The following GPC5 variants were observed in gnomAD, a reference collection of about 807,000 sequenced individuals.
GPC5 encodes the protein glypican-5.
Under a neutral mutation model 53.9 loss-of-function variants are expected in GPC5, and 47 were observed. That is an observed-to-expected ratio of 0.87 (90% confidence interval 0.69 to 1.11). The LOEUF (loss-of-function observed/expected upper bound fraction) is 1.11, where lower values mean the gene tolerates loss of function less well. GPC5 is among the 50% of genes most tolerant of loss of function. GPC5 has a pLI of 0.00. For missense variants in GPC5, 748 were observed against 713.1 expected, an observed-to-expected ratio of 1.05 and a Z score of -0.56; for synonymous variants, 286 against 263.3, an observed-to-expected ratio of 1.09 and a Z score of -0.84.
intron 7 of GPC5, among the ~76,000 whole-genome samples, chr13:92,351,798 G>C (rs1311506593): frequency 6.6e-6 from 1 of 152,060 alleles, no homozygotes; most frequent in Non-Finnish European, 1.5e-5. Flanking sequence ...ATAAATATAT[G>C]ATGTAAAAAA....
At chr13:92,666,888 A>T (rs1886587819) in intron 7 of GPC5, among the ~76,000 whole-genome samples, 1 of 152,176 alleles carries the variant, frequency 6.6e-6, no homozygotes, top group Non-Finnish European at 1.5e-5. Context: ...TGGACCTTAT[A>T]TTCCCCTCAT....
intron 2 of GPC5, among the ~76,000 whole-genome samples, chr13:91,590,317 T>G (rs949225273): frequency 6.6e-6 from 1 of 152,064 alleles, no homozygotes; most frequent in Non-Finnish European, 1.5e-5. Flanking sequence ...TCATAAATAT[T>G]TAATGACTCA....
intron 7 of GPC5, among the ~76,000 whole-genome samples, chr13:92,652,147 G>T (rs1049888118): frequency 3.9e-5 from 6 of 151,962 alleles, no homozygotes; most frequent in African/African-American, 1.4e-4. Flanking sequence ...TCTCTTATTT[G>T]AATATTTTAT....
chr13:92,834,100 G>C (rs1485903875), intron 7 of GPC5, among the ~76,000 whole-genome samples: 1 of 152,098 alleles, frequency 6.6e-6, no homozygotes, highest in East Asian at 1.9e-4. Flanking sequence ...AGATTCAAGA[G>C]ACAGAAAACA....
intron 4 of GPC5, among the ~76,000 whole-genome samples, chr13:91,746,034 G>A (rs1045682122): frequency 1.3e-5 from 2 of 152,304 alleles, no homozygotes; most frequent in East Asian, 1.9e-4. Flanking sequence ...TGAGAATAAC[G>A]TTAAATGATT....
chr13:92,436,670 T>C (rs963504047), intron 7 of GPC5, among the ~76,000 whole-genome samples: 1 of 152,186 alleles, frequency 6.6e-6, no homozygotes, highest in Non-Finnish European at 1.5e-5. Context: ...AAATGTTGTA[T>C]TCAAACCACT....
intron 6 of GPC5, among the ~76,000 whole-genome samples, chr13:91,968,301 G>A (rs1275345670): frequency 6.6e-6 from 1 of 151,380 alleles, no homozygotes; most frequent in Non-Finnish European, 1.5e-5. Context: ...TTTAATTGTG[G>A]TACATAGTAT....
At chr13:92,367,864 C>T (rs547130793) in intron 7 of GPC5, among the ~76,000 whole-genome samples, 22 of 152,190 alleles carry the variant, frequency 1.4e-4, no homozygotes, top group Middle Eastern at 6.8e-3. Flanking sequence ...GAAATGAGGA[C>T]GGTGCAGGTG....
At chr13:92,855,575 A>G (rs1285441084) in intron 7 of GPC5, among the ~76,000 whole-genome samples, 1 of 151,798 alleles carries the variant, frequency 6.6e-6, no homozygotes, top group African/African-American at 2.4e-5. Context: ...TTCTGGGTTG[A>G]GTTTCCTGCA....
intron 2 of GPC5, among the ~76,000 whole-genome samples, chr13:91,516,301 A>G (rs1287794220): frequency 2.6e-5 from 4 of 152,186 alleles, no homozygotes; most frequent in Non-Finnish European, 2.9e-5. Flanking sequence ...CCTGGATACA[A>G]TGAGGGTACA....
chr13:91,498,496 A>G (rs546624493), intron 2 of GPC5, among the ~76,000 whole-genome samples: 3 of 152,246 alleles, frequency 2.0e-5, no homozygotes, highest in African/African-American at 4.8e-5. Flanking sequence ...GGACTTCACC[A>G]TAATTAACTA....
At chr13:91,728,118 T>C (rs776401138) in intron 3 of GPC5, among the ~76,000 whole-genome samples, 2 of 152,134 alleles carry the variant, frequency 1.3e-5, no homozygotes, top group Non-Finnish European at 1.5e-5. Flanking sequence ...CTTTTGGCCT[T>C]GGAATTCATT....
At chr13:91,595,612 T>G (rs896297057) in intron 2 of GPC5, among the ~76,000 whole-genome samples, 30 of 152,242 alleles carry the variant, frequency 2.0e-4, no homozygotes, top group Admixed American at 2.6e-4. Context: ...CTGTATTGTA[T>G]ATAATTTTCT....
At chr13:92,385,493 TATAC>T (rs1162516655) in intron 7 of GPC5, among the ~76,000 whole-genome samples, 3 of 137,958 alleles carry the variant, frequency 2.2e-5, no homozygotes, top group Non-Finnish European at 3.1e-5. Context: ...TATACACATA[TATAC>T]ATACATATAC....
intron 7 of GPC5, among the ~76,000 whole-genome samples, chr13:92,851,769 G>A (rs2138845309): frequency 6.6e-6 from 1 of 150,756 alleles, no homozygotes; most frequent in African/African-American, 2.4e-5. Context: ...GGTGCCTGTA[G>A]TCCCAGCTGC....
At chr13:92,632,645 A>G (rs1235061506) in intron 7 of GPC5, among the ~76,000 whole-genome samples, 1 of 152,050 alleles carries the variant, frequency 6.6e-6, no homozygotes, top group Non-Finnish European at 1.5e-5. Flanking sequence ...TAAAATAGAT[A>G]AACAATTCTA....
rs1011209040 is a variant in GPC5, at chr13:92,437,432, C to T, written c.1561+292443C>T. Among the ~76,000 whole-genome samples, 15 of 152,020 alleles carry T rather than the reference C, an allele frequency of 9.9e-5. 1 individual carries two copies. The highest frequency in any genetic ancestry group is 3.6e-4 in the African/African-American group (15 of 41,410). On this transcript the variant is annotated intron_variant, in intron 7 of 7. Transcript: ENST00000377067. ...ATTACCCAGGCAACATCAACTGAAT[C>T]AATTTTAGAAATGAATCCATTATTA... is the stretch of plus-strand genomic sequence containing the variant.
chr13:92,574,025 T>C (rs7991812), intron 7 of GPC5, among the ~76,000 whole-genome samples: 83,284 of 151,952 alleles, frequency 0.55, 24,611 homozygotes, highest in African/African-American at 0.77. Context: ...GGGGAGGTAT[T>C]CTTCCAAGTT....
At chr13:92,613,525 AT>A (rs1415769410) in intron 7 of GPC5, among the ~76,000 whole-genome samples, 2 of 105,498 alleles carry the variant, frequency 1.9e-5, no homozygotes, top group East Asian at 4.6e-4. Context: ...ATAATATATA[AT>A]TTATATATAA....
Sources: allele counts gnomAD v4.1 joint callset (sites outside exome capture counted in the v4.1 genomes callset), GRCh38; gene constraint gnomAD v4.1.1; transcripts MANE v1.5; gene names NCBI Gene and HGNC (gene_info 2026-07-23, HGNC 2026-07-21).